Variants in DNAJC13 observed in about 807,000 individuals in gnomAD.
The protein encoded by DNAJC13 is DnaJ heat shock protein family (Hsp40) member C13.
DNAJC13 carries 75 observed loss-of-function variants against 290.5 expected under a neutral mutation model. That is an observed-to-expected ratio of 0.26 (90% CI 0.21 to 0.31). DNAJC13 has a LOEUF of 0.31. Among genes scored for constraint, DNAJC13 ranks in the 10% least tolerant of loss-of-function variants. The pLI is 1.00. For missense variants in DNAJC13, 2,260 were observed against 2,674.5 expected (o/e 0.85, Z 3.42); for synonymous variants, 862 against 892.0 (o/e 0.97, Z 0.60).
intron 55 of DNAJC13, chr3:132,537,408 C>CT (rs1160614941): frequency 8.6e-6 from 3 of 348,946 alleles, no homozygotes; most frequent in African/African-American, 6.5e-5. Flanking sequence ...TACAGTGTCC[C>CT]TTGCAAGTAC....
At chr3:132,435,006 A>G (rs1309784898) in intron 2 of DNAJC13, among the ~76,000 whole-genome samples, 4 of 152,218 alleles carry the variant, frequency 2.6e-5, no homozygotes, top group Non-Finnish European at 4.4e-5. Context: ...GTCGGAGAAA[A>G]TATGCCATTC....
intron 9 of DNAJC13, among the ~76,000 whole-genome samples, chr3:132,454,360 C>T (rs1173481789): frequency 6.8e-5 from 8 of 117,534 alleles, no homozygotes; most frequent in African/African-American, 1.7e-4. Flanking sequence ...CTCACTGTGT[C>T]ACTCAGGCTG....
At chr3:132,458,739 T>A (rs761979717) in intron 13 of DNAJC13, among the ~76,000 whole-genome samples, 1 of 152,152 alleles carries the variant, frequency 6.6e-6, no homozygotes, top group Non-Finnish European at 1.5e-5. Flanking sequence ...TTACCAAATA[T>A]ACACACCTAC....
chr3:132,445,631 T>C (rs1933222230), intron 2 of DNAJC13, among the ~76,000 whole-genome samples: 2 of 152,078 alleles, frequency 1.3e-5, no homozygotes, highest in South Asian at 4.1e-4. Flanking sequence ...TAAGGGTTGA[T>C]TTATTCTTAT....
chr3:132,494,991 T>C, intron 34 of DNAJC13, 97 bp from the exon 35 acceptor site: 1 of 780,820 alleles, frequency 1.3e-6, no homozygotes, highest in South Asian at 2.0e-5. Flanking sequence ...TATACAATTC[T>C]TGATATTAGA....
chr3:132,465,200 T>C (rs1298598169), intron 17 of DNAJC13, among the ~76,000 whole-genome samples: 1 of 152,182 alleles, frequency 6.6e-6, no homozygotes, highest in Admixed American at 6.5e-5. Context: ...AATTTTGTTC[T>C]TCAGTAATGT....
rs1933303619 is a variant in DNAJC13, at chr3:132,447,919, G to C, written c.316G>C (p.Glu106Gln). The C allele has an allele frequency of 6.3e-7, 1 of 1,590,644 alleles. No individual in the cohort carries two copies. Among genetic ancestry groups the C allele is most frequent in the Non-Finnish European group, 8.6e-7 (1 of 1,161,816 alleles). Reference protein sequence around the residue: ...EALRFRTDFSEGKITGRRYNC... With the variant: ...EALRFRTDFSQGKITGRRYNC... ...TCAGAGATTTAGAACTGATTTTTCAGAGGGAAAAATCACAGGAAGGGTAAA... is the reference window on the plus strand; with the variant it reads ...TCAGAGATTTAGAACTGATTTTTCACAGGGAAAAATCACAGGAAGGGTAAA... Residue 106 changes from glutamate (E) to glutamine (Q), a missense_variant, in exon 5 of 56, where the codon GAG (glutamate) becomes CAG (glutamine). By Grantham distance (29) the Glu-to-Gln change is conservative (BLOSUM62 2). Coordinates refer to ENST00000260818, the MANE Select transcript of DNAJC13 (RefSeq NM_015268.4).
At chr3:132,472,485 T>C (rs1934314935) in intron 20 of DNAJC13, 8 of 837,668 alleles carry the variant, frequency 9.6e-6, no homozygotes, top group East Asian at 1.2e-4. Context: ...GTAATAGATA[T>C]AATTTAGCAG....
intron 1 of DNAJC13, among the ~76,000 whole-genome samples, chr3:132,427,634 A>G (rs1939134132): frequency 6.6e-6 from 1 of 152,178 alleles, no homozygotes; most frequent in South Asian, 2.1e-4. Flanking sequence ...TTTGAAGGTG[A>G]ACATTCTAGG....
At position 132,538,249 on chromosome 3, in the gene DNAJC13, C is replaced by T. The variant is rs1936657781; in HGVS notation, c.6699C>T (p.Asp2233=). 6.2e-7 allele frequency: 1 copy of T among 1,613,878 alleles called. No homozygotes were observed. The highest frequency in any genetic ancestry group is 8.5e-7 in the Non-Finnish European group (1 of 1,179,944). Residue 2233 remains aspartate, a synonymous_variant, in exon 56 of 56, where the codon GAC becomes GAT. Transcript: ENST00000260818. ...TGTCTAACCTGCCACCTCCTGTAGA[C>T]CATGAGGCAGGCGACCTTGGCTATC... is the stretch of plus-strand genomic sequence containing the variant. The part of the protein sequence containing the change: ...SVMSNLPPPV[D]HEAGDLGYQT
chr3:132,447,371 A>T lies in DNAJC13; in HGVS notation c.195A>T (p.Gly65=), dbSNP rs746735356. 6.2e-7 allele frequency: 1 copy of T among 1,606,742 alleles called. No homozygotes were observed. Among genetic ancestry groups the T allele is most frequent in the East Asian group, 2.3e-5 (1 of 44,328 alleles). Residue 65 remains glycine (G), a synonymous_variant, in exon 4 of 56, where the codon GGA becomes GGT. Coordinates refer to ENST00000260818, the MANE Select transcript of DNAJC13 (RefSeq NM_015268.4). ...CSISPVGKGQ[G]TEFNLTFRKG... is the part of the protein sequence containing the mutation. ...TCAGCCCTGTTGGAAAAGGACAAGG[A>T]ACGGAGTTCAACCTCACATTTCGTA...
At chr3:132,519,569 G>A (rs1272356342) in intron 48 of DNAJC13, among the ~76,000 whole-genome samples, 1 of 151,382 alleles carries the variant, frequency 6.6e-6, no homozygotes, top group Non-Finnish European at 1.5e-5. Flanking sequence ...CTTTCTTGGT[G>A]GTGCCCTTTG....
rs756006720 is a variant in DNAJC13 at position 132,522,889 on chromosome 3, C to T, written c.5735C>T (p.Pro1912Leu). The change falls in exon 49 of 56, where the codon CCT becomes CTT. Residue 1912 changes from proline (P) to leucine (L), a missense_variant. Transcript: ENST00000260818. ...SVFMDAMRDN[P>L]EAAVHIFEGT... ...TTCATGGATGCTATGAGAGACAATC[C>T]TGAAGCTGCTGTACATATTTTTGAA... is the stretch of plus-strand genomic sequence containing the variant. 7.4e-6 allele frequency: 12 copies of T among 1,613,350 alleles called. No homozygotes were observed. Among genetic ancestry groups the T allele is most frequent in the South Asian group, 1.1e-5 (1 of 90,944 alleles).
intron 32 of DNAJC13, 95 bp downstream of exon 32, chr3:132,491,146 T>C: frequency 2.8e-6 from 3 of 1,075,812 alleles, no homozygotes; most frequent in Non-Finnish European, 3.9e-6. Flanking sequence ...ATGTTTTCAC[T>C]AGGTTTATAA....
chr3:132,434,034 TC>T (rs756667309), intron 1 of DNAJC13, among the ~76,000 whole-genome samples: 1 of 151,912 alleles, frequency 6.6e-6, no homozygotes, highest in Non-Finnish European at 1.5e-5. Context: ...TACGGTGAAA[TC>T]CCGTCTCTAC....
rs1232035387 is a variant in DNAJC13 at position 132,454,078 on chromosome 3, G to C, written c.853G>C (p.Val285Leu). The change falls in exon 9 of 56, where the codon GTC becomes CTC. Residue 285 changes from valine to leucine, a missense_variant. Val to Leu is a conservative substitution (Grantham distance 32). Around this residue, in one of 3 missense-constraint regions of DNAJC13, gnomAD observed 762 missense variants for 964.1 expected, o/e 0.79. Coordinates refer to ENST00000260818, the MANE Select transcript of DNAJC13 (RefSeq NM_015268.4). ...LKPLGEVFAL[V>L]CDSENPQLFT... ...GTTTTTTCATTAGGTATTTGCGTTGGTCTGTGACTCAGAAAATCCACAACT... is the reference window on the plus strand; with the variant it reads ...GTTTTTTCATTAGGTATTTGCGTTGCTCTGTGACTCAGAAAATCCACAACT... 6.2e-7 allele frequency: 1 copy of C among 1,606,828 alleles called. No individual in the cohort carries two copies. The highest frequency in any genetic ancestry group is 8.5e-7 in the Non-Finnish European group (1 of 1,177,918).
intron 2 of DNAJC13, among the ~76,000 whole-genome samples, chr3:132,437,693 C>G (rs1418377873): frequency 6.6e-6 from 1 of 152,060 alleles, no homozygotes. Flanking sequence ...TATGCCAGTA[C>G]CATATTGTCT....
chr3:132,503,268 G>A lies in DNAJC13; in HGVS notation c.4771G>A (p.Gly1591Arg). The change falls in exon 41 of 56, where the codon GGG (glycine) becomes AGG (arginine). Residue 1591 changes from glycine to arginine, a missense_variant. By Grantham distance (125) the Gly-to-Arg change is moderately radical. Transcript: ENST00000260818. ...TGTCCATGCTCTGAGTCGCCTTGGA[G>A]GGTATTTGGCTGAAGAACAAGCAAC... ...LSVHALSRLG[G>R]YLAEEQATPE... The A allele has an allele frequency of 6.2e-7, 1 of 1,614,068 alleles. No homozygotes were observed. The highest frequency in any genetic ancestry group is 8.5e-7 in the Non-Finnish European group (1 of 1,179,988).
intron 5 of DNAJC13, among the ~76,000 whole-genome samples, 177 bp downstream of exon 5, chr3:132,448,116 GT>G (rs1362451933): frequency 6.6e-6 from 1 of 152,104 alleles, no homozygotes; most frequent in African/African-American, 2.4e-5. Context: ...AATATGAACA[GT>G]TAGATTTAAG....
Sources: gnomAD v4.1 joint callset for allele counts (sites outside exome capture counted in the v4.1 genomes callset) on GRCh38, gnomAD v4.1.1 for gene constraint, gnomAD v4.1.1 regional missense constraint, MANE v1.5 for transcripts, NCBI Gene and HGNC (gene_info 2026-07-23, HGNC 2026-07-21) for gene names.